PUDP: variants seen among roughly 807,000 people sequenced by gnomAD.
PUDP encodes the protein pseudouridine 5'-phosphatase, also known as pseudouridine-5'-phosphatase.
Under a neutral mutation model 9.4 loss-of-function variants are expected in PUDP, and 8 were observed. That is an observed-to-expected ratio of 0.85 (90% CI 0.50 to 1.53). The LOEUF (loss-of-function observed/expected upper bound fraction) is 1.53, where lower values mean the gene tolerates loss of function less well. Ranked by LOEUF, PUDP falls within the 40% of genes most tolerant of loss-of-function variation. The probability of loss-of-function intolerance (pLI) is 0.00; values close to 1 mark genes in which losing one functional copy is unlikely to be tolerated. For missense variants in PUDP, 188 were observed against 189.7 expected (o/e 0.99, Z 0.05); for synonymous variants, 99 against 80.7 (o/e 1.23, Z -1.22).
At chrX:6,807,952 T>A (rs1053017413) in intron 3 of PUDP, among the ~76,000 whole-genome samples, 1 of 111,981 alleles carries the variant, frequency 8.9e-6, no homozygotes, top group African/African-American at 3.3e-5. Flanking sequence ...GAAAATATGT[T>A]CATGGAGTGA....
intron 3 of PUDP, among the ~76,000 whole-genome samples, chrX:6,875,410 C>A (rs769169180): frequency 9.0e-6 from 1 of 111,595 alleles, no homozygotes; most frequent in African/African-American, 3.3e-5. Flanking sequence ...ATACCTCTCA[C>A]CCCCATCTCC....
intron 1 of PUDP, among the ~76,000 whole-genome samples, chrX:7,003,899 T>C (rs1181092911): frequency 2.7e-5 from 3 of 111,708 alleles, no homozygotes; most frequent in Non-Finnish European, 5.6e-5. Flanking sequence ...TTTTTTGAGA[T>C]AGGGTCTCAC....
chrX:6,978,964 A>G (rs1043798636), intron 1 of PUDP, among the ~76,000 whole-genome samples: 2 of 112,283 alleles, frequency 1.8e-5, no homozygotes, highest in African/African-American at 6.5e-5. Context: ...TAAAGCAGAC[A>G]CCATATACGC....
intron 3 of PUDP, among the ~76,000 whole-genome samples, chrX:6,803,192 G>A (rs780309282): frequency 2.2e-4 from 24 of 110,862 alleles, no homozygotes; most frequent in Non-Finnish European, 3.6e-4. Flanking sequence ...AGGCCACGAC[G>A]AGACCCTTGC....
intron 1 of PUDP, among the ~76,000 whole-genome samples, chrX:6,716,614 T>C (rs1219083780): frequency 9.3e-6 from 1 of 107,154 alleles, no homozygotes. Flanking sequence ...GCTTTTCCTT[T>C]AAATATATTT....
chrX:7,044,924 A>G (rs17331284), downstream of PUDP, among the ~76,000 whole-genome samples: 3,976 of 112,385 alleles, frequency 0.035, 125 homozygotes, highest in East Asian at 0.24. Flanking sequence ...TTTTGCCTTC[A>G]TGGGAGACAA....
chrX:6,951,805 T>C (rs760085815), intron 3 of PUDP, among the ~76,000 whole-genome samples: 4 of 112,276 alleles, frequency 3.6e-5, no homozygotes, highest in South Asian at 7.4e-4. Flanking sequence ...TGGCTGGAAC[T>C]TTTTCAGAAT....
chrX:6,882,052 C>T (rs1250432848), intron 3 of PUDP, among the ~76,000 whole-genome samples: 4 of 104,397 alleles, frequency 3.8e-5, no homozygotes, highest in African/African-American at 1.4e-4. Context: ...CGGCTCACTG[C>T]AACCTCTGCC....
intron 3 of PUDP, among the ~76,000 whole-genome samples, chrX:6,828,792 G>A (rs750270467): frequency 9.0e-6 from 1 of 111,411 alleles, no homozygotes; most frequent in East Asian, 2.8e-4. Context: ...CATACACTAC[G>A]TAAGCTTTTC....
At chrX:6,968,479 G>C (rs763035004) in intron 3 of PUDP, among the ~76,000 whole-genome samples, 9 of 110,992 alleles carry the variant, frequency 8.1e-5, no homozygotes, top group Non-Finnish European at 1.7e-4. Flanking sequence ...CTTCACTGTG[G>C]CTCAGAGTCT....
chrX:7,095,754 C>T (rs901428919), intron 2 of PUDP, among the ~76,000 whole-genome samples: 15 of 112,446 alleles, frequency 1.3e-4, no homozygotes, highest in Non-Finnish European at 2.6e-4. Context: ...ATTATCAGAG[C>T]GGCCTATAAA....
At chrX:6,823,516 G>C (rs1184104527) in intron 3 of PUDP, among the ~76,000 whole-genome samples, 1 of 112,531 alleles carries the variant, frequency 8.9e-6, no homozygotes, top group African/African-American at 3.2e-5. Context: ...TTACTAGCCA[G>C]TCCTCTTTCT....
chrX:6,799,309 GT>G (rs1333197229), intron 3 of PUDP, among the ~76,000 whole-genome samples: 1 of 111,827 alleles, frequency 8.9e-6, no homozygotes, highest in East Asian at 2.8e-4. Context: ...GGAAGCCTCT[GT>G]TTTTCACTGA....
Position 6,834,464 on chromosome X carries a change from C to A in PUDP, c.*248-127998G>T, listed in dbSNP as rs904466186. On this transcript the variant is annotated intron_variant and NMD_transcript_variant, in intron 3 of 3. Transcript: ENST00000655425. ...TGGTTTGGCTCATCGGGTCTCCATA[C>A]TTTATTTCATAATATTAATATCATT... 2.7e-5 allele frequency among the ~76,000 whole-genome samples: 3 copies of A among 111,139 alleles called. No homozygotes were observed. The East Asian group carries it at 8.4e-4, about 31-fold the overall frequency.
intron 2 of PUDP, among the ~76,000 whole-genome samples, chrX:7,082,666 C>T (rs1358634930): frequency 8.9e-6 from 1 of 112,371 alleles, no homozygotes; most frequent in Admixed American, 9.3e-5. Flanking sequence ...TGTGAGAAGA[C>T]GCTGATGCTA....
intron 3 of PUDP, among the ~76,000 whole-genome samples, chrX:6,829,802 C>T (rs1258385348): frequency 9.0e-6 from 1 of 110,602 alleles, no homozygotes; most frequent in African/African-American, 3.3e-5. Flanking sequence ...GAGATGGCAA[C>T]TCTCAGGTAA....
intron 1 of PUDP, among the ~76,000 whole-genome samples, chrX:6,720,657 T>A: frequency 1.3e-5 from 1 of 79,981 alleles, no homozygotes; most frequent in East Asian, 3.1e-4. Context: ...ATATTCACAC[T>A]ATCCCCAAAT....
At chrX:7,009,042 G>A (rs969414024) in intron 1 of PUDP, among the ~76,000 whole-genome samples, 5 of 112,305 alleles carry the variant, frequency 4.5e-5, no homozygotes, top group Non-Finnish European at 7.5e-5. Context: ...AGTCATTTCT[G>A]ACCTAATTAA....
intron 3 of PUDP, among the ~76,000 whole-genome samples, chrX:7,068,142 G>T (rs1006647098): frequency 8.9e-6 from 1 of 111,931 alleles, no homozygotes; most frequent in Admixed American, 9.5e-5. Context: ...GGAATGTAGG[G>T]TTTCTTTGCC....
Sources: allele counts gnomAD v4.1 joint callset (sites outside exome capture counted in the v4.1 genomes callset), GRCh38; gene constraint gnomAD v4.1.1; transcripts MANE v1.5; gene names NCBI Gene and HGNC (gene_info 2026-07-23, HGNC 2026-07-21).